UGT2B7: variants seen among roughly 807,000 people sequenced by gnomAD.
The protein encoded by UGT2B7 is UDP-glucuronosyltransferase 2B7.
In UGT2B7, 51 loss-of-function variants were observed where a neutral mutation model predicts 51.9. The ratio of observed to expected loss-of-function variants is 0.98; its 90% CI spans 0.78 to 1.24. The LOEUF is 1.24. Among genes scored for constraint, UGT2B7 ranks in the 50% most tolerant of loss-of-function variants. The pLI is 0.00. For missense variants in UGT2B7, 727 were observed against 628.4 expected (o/e 1.16, Z -1.68); for synonymous variants, 225 against 211.6 (o/e 1.06, Z -0.55).
upstream of UGT2B7, among the ~76,000 whole-genome samples, chr4:69,094,179 G>C (rs1385877693): frequency 4.3e-5 from 1 of 23,224 alleles, no homozygotes; most frequent in Non-Finnish European, 5.8e-5. Flanking sequence ...TCGCTCTGTC[G>C]CCCAGGCTGG....
chr4:69,077,665 C>G (rs949379759), intron 1 of UGT2B7, among the ~76,000 whole-genome samples: 1 of 152,030 alleles, frequency 6.6e-6, no homozygotes, highest in South Asian at 2.1e-4. Context: ...TGCTTATCAG[C>G]TTAAGGAGAT....
intron 1 of UGT2B7, among the ~76,000 whole-genome samples, chr4:69,076,224 G>A (rs528857786): frequency 1.3e-5 from 2 of 152,148 alleles, no homozygotes; most frequent in Non-Finnish European, 2.9e-5. Context: ...ATTGTGAACA[G>A]TGCCACAATA....
exon 1 of UGT2B7, chr4:69,051,376 G>A (rs1322587346): frequency 6.6e-6 from 1 of 152,228 alleles, no homozygotes; most frequent in Non-Finnish European, 1.5e-5. Flanking sequence ...GTGACTGACA[G>A]ACAGCTGAGG....
chr4:69,098,388 T>G (rs1200224567), intron 1 of UGT2B7, 152 bp from the exon 2 acceptor site: 27 of 776,064 alleles, frequency 3.5e-5, no homozygotes, highest in Non-Finnish European at 4.7e-5. Flanking sequence ...ATACATAAAA[T>G]TAAATTATAT....
At chr4:69,079,784 A>C (rs1392999999) in intron 1 of UGT2B7, among the ~76,000 whole-genome samples, 3 of 152,222 alleles carry the variant, frequency 2.0e-5, no homozygotes, top group South Asian at 2.1e-4. Flanking sequence ...CTTATTTGGC[A>C]TATACAATGT....
chr4:69,098,516 C>CTT (rs34182209), intron 1 of UGT2B7, 24 bp from the exon 2 acceptor site: 228,412 of 1,448,356 alleles, frequency 0.16, 6,155 homozygotes, highest in Non-Finnish European at 0.17. Flanking sequence ...TGTCATCCAC[C>CTT]TTTTTTTTTT....
chr4:69,088,699 C>A (rs139522849), intron 1 of UGT2B7, among the ~76,000 whole-genome samples: 4 of 152,218 alleles, frequency 2.6e-5, no homozygotes, highest in Non-Finnish European at 4.4e-5. Flanking sequence ...GAACACCAAG[C>A]AGTTGCTGAG....
At chr4:69,066,091 G>A (rs965070256) in intron 1 of UGT2B7, among the ~76,000 whole-genome samples, 1 of 152,114 alleles carries the variant, frequency 6.6e-6, no homozygotes, top group African/African-American at 2.4e-5. Flanking sequence ...GAAGGCATTT[G>A]ACTAGGTGAT....
intron 1 of UGT2B7, among the ~76,000 whole-genome samples, chr4:69,061,161 A>G (rs1204280194): frequency 2.0e-5 from 3 of 152,222 alleles, no homozygotes; most frequent in African/African-American, 7.2e-5. Flanking sequence ...GTCTTATAAG[A>G]GCTCTCTGGC....
At chr4:69,075,869 T>A (rs994465898) in intron 1 of UGT2B7, among the ~76,000 whole-genome samples, 5 of 152,178 alleles carry the variant, frequency 3.3e-5, no homozygotes, top group Non-Finnish European at 7.3e-5. Flanking sequence ...CATTGTGGTT[T>A]GCTGCACCCA....
chr4:69,054,167 C>T (rs112384914), intron 1 of UGT2B7, among the ~76,000 whole-genome samples: 6,474 of 151,630 alleles, frequency 0.043, 191 homozygotes, highest in Non-Finnish European at 0.064. Context: ...AAACTCATGT[C>T]GGCCCCAGCC....
rs1577920696 is a variant in UGT2B7, at chr4:69,096,514, C to T, written c.-7C>T. On this transcript the variant is annotated 5_prime_UTR_variant, in exon 1 of 6. Transcript: ENST00000305231. ...CAACTGGAAAACAAGCATTGCATTG[C>T]ACCAGGATGTCTGTGAAATGGACTT... The T allele has an allele frequency of 1.2e-6, 2 of 1,613,782 alleles. No homozygotes were observed. The highest frequency in any genetic ancestry group is 1.7e-6 in the Non-Finnish European group (2 of 1,179,772).
At chr4:69,071,294 G>C (rs1050636966) in intron 1 of UGT2B7, among the ~76,000 whole-genome samples, 1 of 152,020 alleles carries the variant, frequency 6.6e-6, no homozygotes, top group African/African-American at 2.4e-5. Context: ...GGAATACTGA[G>C]GATATACAAA....
chr4:69,077,224 A>T (rs559616795), intron 1 of UGT2B7, among the ~76,000 whole-genome samples: 1 of 152,252 alleles, frequency 6.6e-6, no homozygotes, highest in East Asian at 1.9e-4. Context: ...TGATACCTCC[A>T]GCTTTGGTCT....
chr4:69,070,075 CT>C lies in UGT2B7; in HGVS notation c.-159+18474del, dbSNP rs1413339368. ...AGGTACAATTTTAATTTCAGAAAAC[CT>C]GTAATAATTCAATTTTAATGCTTAT... On this transcript the variant is annotated intron_variant, in intron 1 of 5. Transcript: ENST00000502942. Among the ~76,000 whole-genome samples, 14 of 151,628 alleles carry C rather than the reference CT, an allele frequency of 9.2e-5. No individual in the cohort carries two copies. The East Asian group carries it at 2.7e-3, about 29-fold the overall frequency.
chr4:69,102,034 C>T (rs1211993128), intron 2 of UGT2B7, among the ~76,000 whole-genome samples: 1 of 152,088 alleles, frequency 6.6e-6, no homozygotes, highest in Non-Finnish European at 1.5e-5. Flanking sequence ...AAAGTTATTC[C>T]ACCTAAAGAA....
intron 1 of UGT2B7, among the ~76,000 whole-genome samples, chr4:69,073,735 A>T (rs1239925040): frequency 8.7e-5 from 4 of 45,986 alleles, no homozygotes; most frequent in African/African-American, 4.3e-4. Flanking sequence ...AACTAGAAAC[A>T]AGAGAGCTTT....
rs139136168 is a variant in UGT2B7, at chr4:69,081,076, A to G, written c.-158-8396A>G. ...GGAAGTTATAATTATTTACATAGAG[A>G]AATATTATTACTAAATTAATCACTG... is the stretch of plus-strand genomic sequence containing the variant. On this transcript the variant is annotated intron_variant, in intron 1 of 5. Transcript: ENST00000502942. Among the ~76,000 whole-genome samples the G allele has an allele frequency of 4.2e-3, 641 of 152,328 alleles. 2 individuals carry two copies. The highest frequency in any genetic ancestry group is 0.015 in the African/African-American group (614 of 41,590).
chr4:69,058,046 C>T (rs1718246841), intron 1 of UGT2B7, among the ~76,000 whole-genome samples: 1 of 152,174 alleles, frequency 6.6e-6, no homozygotes, highest in Non-Finnish European at 1.5e-5. Flanking sequence ...GCAGTTCAAG[C>T]CGAGAGTAAT....
Sources: gnomAD v4.1 joint callset for allele counts (sites outside exome capture counted in the v4.1 genomes callset) on GRCh38, gnomAD v4.1.1 for gene constraint, MANE v1.5 for transcripts, NCBI Gene and HGNC (gene_info 2026-07-23, HGNC 2026-07-21) for gene names.